Variants in PDE8B observed in about 807,000 individuals in gnomAD.
The protein encoded by PDE8B is phosphodiesterase 8B.
Under a neutral mutation model 101.3 loss-of-function variants are expected in PDE8B, and 26 were observed. That is an observed-to-expected ratio of 0.26 (90% CI 0.19 to 0.36). The LOEUF (loss-of-function observed/expected upper bound fraction) is 0.36. Ranked by LOEUF, PDE8B falls within the 10% of genes least tolerant of loss-of-function variation. The pLI, the probability that PDE8B is intolerant of heterozygous loss-of-function variation, is 1.00. For synonymous variants in PDE8B, 424 were observed against 429.3 expected (o/e 0.99, Z 0.15); for missense variants, 810 against 1,163.1 (o/e 0.70, Z 4.42).
intron 1 of PDE8B, among the ~76,000 whole-genome samples, chr5:77,216,118 G>T (rs1749648050): frequency 6.6e-6 from 1 of 152,124 alleles, no homozygotes; most frequent in Non-Finnish European, 1.5e-5. Context: ...ATCCAAAAGG[G>T]TTAACTCAGA....
chr5:77,326,167 G>T (rs1279163956), intron 3 of PDE8B, among the ~76,000 whole-genome samples: 1 of 152,162 alleles, frequency 6.6e-6, no homozygotes, highest in Non-Finnish European at 1.5e-5. Flanking sequence ...CCCATAGCAG[G>T]CTTCCCAGTC....
At chr5:77,379,158 AAG>A (rs2150773737) in intron 10 of PDE8B, among the ~76,000 whole-genome samples, 1 of 152,350 alleles carries the variant, frequency 6.6e-6, no homozygotes, top group African/African-American at 2.4e-5. Flanking sequence ...ACTGGGAGCT[AAG>A]AGAAGTTATG....
At chr5:77,376,917 CATTCTCTT>C (rs544491867) in intron 10 of PDE8B, among the ~76,000 whole-genome samples, 8 of 152,166 alleles carry the variant, frequency 5.3e-5, no homozygotes, top group Non-Finnish European at 1.2e-4. Context: ...GGATCTCTCT[CATTCTCTT>C]ATTCTCTGGA....
chr5:77,210,834 C>G lies in PDE8B; in HGVS notation c.-92C>G, dbSNP rs1748111387. ...GGGGGGCGCGCAGTCCGGGCGCCGC[C>G]GCGGCCGCCCCCTCACTGCAGGTGG... On this transcript the variant is annotated 5_prime_UTR_variant, in exon 1 of 22. Coordinates refer to ENST00000264917, the MANE Select transcript of PDE8B (RefSeq NM_003719.5). The surrounding 1 kb of genome is among the most constrained non-coding windows in gnomAD (Gnocchi z 4.9). 4 of 1,000,712 alleles carry G rather than the reference C, an allele frequency of 4.0e-6. No individual in the cohort carries two copies. The highest frequency in any genetic ancestry group is 9.2e-5 in the South Asian group (2 of 21,642). The allele number at this position is 1,000,712 out of a possible 1,614,324, so 62.0% of individuals were successfully genotyped here.
chr5:77,336,601 C>T (rs932405086), intron 5 of PDE8B, among the ~76,000 whole-genome samples: 2 of 148,946 alleles, frequency 1.3e-5, no homozygotes, highest in African/African-American at 2.5e-5. Flanking sequence ...TGTATGTATA[C>T]ACCACAATTT....
the PDE8B span, among the ~76,000 whole-genome samples, chr5:77,171,695 T>G: frequency 2.0e-5 from 3 of 152,190 alleles, no homozygotes; most frequent in Non-Finnish European, 4.4e-5. Flanking sequence ...TGGTGCAGTG[T>G]CTGTGGGCTG....
At chr5:77,120,178 A>G in the PDE8B span, among the ~76,000 whole-genome samples, 108 of 152,344 alleles carry the variant, frequency 7.1e-4, no homozygotes, top group Non-Finnish European at 1.4e-3. Context: ...ACGCAAAATA[A>G]TATGGTATTT....
chr5:77,241,193 C>T (rs1260488852), intron 1 of PDE8B, among the ~76,000 whole-genome samples: 1 of 152,196 alleles, frequency 6.6e-6, no homozygotes, highest in Non-Finnish European at 1.5e-5. Context: ...CAGTTCAGCA[C>T]GCACACCTCA....
Position 77,349,472 on chromosome 5 carries a change from G to C in PDE8B, c.930G>C (p.Leu310=). The C allele has an allele frequency of 4.3e-6, 7 of 1,614,076 alleles. No individual in the cohort carries two copies. Among genetic ancestry groups the C allele is most frequent in the Non-Finnish European group, 5.9e-6 (7 of 1,179,996 alleles). ...TGGGCTACCACAAAGGTGAGCTCCT[G>C]GGAAAAGAACTCGCTGATCTGCCCA... The part of the protein sequence containing the change: ...RMMGYHKGEL[L]GKELADLPKS... The change falls in exon 8 of 22, where the codon CTG becomes CTC. Residue 310 remains leucine, a synonymous_variant. Coordinates refer to ENST00000264917, the MANE Select transcript of PDE8B (RefSeq NM_003719.5).
At chr5:77,390,241 G>C (rs1789628067) in intron 10 of PDE8B, among the ~76,000 whole-genome samples, 1 of 152,180 alleles carries the variant, frequency 6.6e-6, no homozygotes, top group Non-Finnish European at 1.5e-5. Context: ...AGCAAAATCA[G>C]ATGTTTGTAA....
At chr5:77,236,038 C>CT (rs1754614862) in intron 1 of PDE8B, among the ~76,000 whole-genome samples, 1 of 152,178 alleles carries the variant, frequency 6.6e-6, no homozygotes, top group Admixed American at 6.5e-5. Context: ...TGACTGGACT[C>CT]TTAACTGCTG....
chr5:77,211,084 C>T lies in PDE8B; in HGVS notation c.159C>T (p.Ile53=). The change falls in exon 1 of 22, where the codon ATC becomes ATT. Residue 53 remains isoleucine (I), a synonymous_variant. Transcript: ENST00000264917. This position sits in a 1 kb window ranked among gnomAD's most constrained non-coding sequence, Gnocchi z 4.1. ...TCCAGACCGACGCCGCCGACGCCAT[C>T]CCCCCGAGCCGCGCGTCGGGACCCC... ...LFVQTDAADA[I]PPSRASGPPS... is the part of the protein sequence containing the mutation. The T allele has an allele frequency of 6.0e-6, 9 of 1,495,164 alleles. No homozygotes were observed. The highest frequency in any genetic ancestry group is 1.4e-5 in the African/African-American group (1 of 69,038). The allele number at this position is 1,495,164 out of a possible 1,614,324, so 92.6% of individuals were successfully genotyped here.
chr5:77,352,010 C>T (rs1168141514), intron 9 of PDE8B, among the ~76,000 whole-genome samples: 1 of 152,226 alleles, frequency 6.6e-6, no homozygotes, highest in South Asian at 2.1e-4. Flanking sequence ...TGTTTCCCCT[C>T]CAATTTTGGT....
intron 10 of PDE8B, among the ~76,000 whole-genome samples, chr5:77,386,861 G>GTTTTTTTTT (rs1467729020): frequency 9.5e-6 from 1 of 105,486 alleles, no homozygotes; most frequent in African/African-American, 3.9e-5. Context: ...AGTTGATGTA[G>GTTTTTTTTT]TTTCTTTTTT....
chr5:77,351,432 T>C (rs940594610), intron 9 of PDE8B, among the ~76,000 whole-genome samples: 1 of 152,212 alleles, frequency 6.6e-6, no homozygotes, highest in Non-Finnish European at 1.5e-5. Flanking sequence ...ATTTCTGGGC[T>C]TCCCTTTCCC....
At chr5:77,131,686 G>T in the PDE8B span, among the ~76,000 whole-genome samples, 1 of 152,048 alleles carries the variant, frequency 6.6e-6, no homozygotes, top group African/African-American at 2.4e-5. Context: ...ATATGAATTG[G>T]GTACAAAATT....
At chr5:77,420,694 C>T (rs1281723033) in intron 19 of PDE8B, among the ~76,000 whole-genome samples, 1 of 152,088 alleles carries the variant, frequency 6.6e-6, no homozygotes, top group Non-Finnish European at 1.5e-5. Context: ...GATTCCACAG[C>T]ACAACACCAG....
At chr5:77,201,153 G>GT in the PDE8B span, among the ~76,000 whole-genome samples, 105 of 152,362 alleles carry the variant, frequency 6.9e-4, no homozygotes, top group African/African-American at 2.5e-3. Flanking sequence ...TGAAGCAAGA[G>GT]TATCAAAAGG....
At chr5:77,248,754 C>T (rs1240877258) in intron 1 of PDE8B, among the ~76,000 whole-genome samples, 1 of 152,134 alleles carries the variant, frequency 6.6e-6, no homozygotes, top group African/African-American at 2.4e-5. Context: ...TGTGTTGAAG[C>T]CCTAACTCTC....
Sources: allele counts gnomAD v4.1 joint callset (sites outside exome capture counted in the v4.1 genomes callset), GRCh38; gene constraint gnomAD v4.1.1; non-coding constraint Gnocchi (gnomAD v3.1); transcripts MANE v1.5; gene names NCBI Gene and HGNC (gene_info 2026-07-23, HGNC 2026-07-21).